The following ENPP1 variants were observed in gnomAD, a reference collection of about 807,000 sequenced individuals.
The protein encoded by ENPP1 is ectonucleotide pyrophosphatase/phosphodiesterase family member 1.
ENPP1 carries 73 observed loss-of-function variants against 122.8 expected under a neutral mutation model. That is an observed-to-expected ratio of 0.59 (90% CI 0.49 to 0.72). ENPP1 has a LOEUF of 0.72. Ranked by LOEUF, ENPP1 falls within the 30% of genes least tolerant of loss-of-function variation. The pLI is 0.00. For missense variants in ENPP1, 978 were observed against 1,128.1 expected (o/e 0.87, Z 1.91); for synonymous variants, 367 against 391.6 (o/e 0.94, Z 0.74).
chr6:131,822,584 A>ATTT (rs1562510287), intron 1 of ENPP1, among the ~76,000 whole-genome samples: 1 of 150,394 alleles, frequency 6.6e-6, no homozygotes, highest in Non-Finnish European at 1.5e-5. Context: ...ATCACTTTTA[A>ATTT]AAAAAAAAAA....
rs564304453 is a variant in ENPP1, at chr6:131,893,949, C to CTTTTTTTTTTTTTTTTTTTT, written c.*3449_*3468dup. The CTTTTTTTTTTTTTTTTTTTT allele has an allele frequency of 1.7e-4, 10 of 59,502 alleles. No individual in the cohort carries two copies. The highest frequency in any genetic ancestry group is 2.4e-4 in the Admixed American group (1 of 4,088). 3.7% of individuals were successfully genotyped at this position (59,502 alleles called of 1,614,324 possible). On this transcript the variant is annotated 3_prime_UTR_variant, in exon 25 of 25. Coordinates refer to ENST00000647893, the MANE Select transcript of ENPP1 (RefSeq NM_006208.3). The stretch of plus-strand genomic sequence containing the variant: ...GTGAAACCTTTATTTATCTTGATTT[C>CTTTTTTTTTTTTTTTTTTTT]TTTTTTTTTTTTTTTTTTTTTTTTT...
At chr6:131,875,009 G>A (rs1472316836) in intron 16 of ENPP1, among the ~76,000 whole-genome samples, 2 of 152,060 alleles carry the variant, frequency 1.3e-5, no homozygotes, top group Non-Finnish European at 2.9e-5. Flanking sequence ...CTAAACAGTA[G>A]GCAAACACGG....
chr6:131,820,574 A>T (rs1171737733), intron 1 of ENPP1: 1 of 152,248 alleles, frequency 6.6e-6, no homozygotes, highest in Non-Finnish European at 1.5e-5. Context: ...ACTCTCAAGA[A>T]CTAGGGAGAG....
At chr6:131,845,519 C>T (rs1311353445) in intron 1 of ENPP1, among the ~76,000 whole-genome samples, 7 of 142,668 alleles carry the variant, frequency 4.9e-5, no homozygotes, top group East Asian at 4.1e-4. Context: ...TGCAGTGGTG[C>T]GATCTGTGCT....
At chr6:131,870,551 G>A (rs540400883) in intron 13 of ENPP1, among the ~76,000 whole-genome samples, 1 of 152,244 alleles carries the variant, frequency 6.6e-6, no homozygotes, top group South Asian at 2.1e-4. Context: ...AAGCTTTTCT[G>A]ACAATTACCG....
In ENPP1 at chr6:131,878,622, A is replaced by C. The variant is rs144835577; in HGVS notation, c.1945+29A>C. 140 of 1,560,478 alleles carry C rather than the reference A, an allele frequency of 9.0e-5. No individual in the cohort carries two copies. In the African/African-American group the frequency reaches 1.6e-3, roughly 18 times the overall value. ...AGGCATGCTACACACTCAAGCTCGG[A>C]ATGTGAAGCAGGCATTTTCTCATCA... On this transcript the variant is annotated intron_variant, in intron 19 of 24. Transcript: ENST00000647893.
Position 131,849,764 on chromosome 6 carries a change from A to G in ENPP1, c.314-226A>G, listed in dbSNP as rs535659909. 3.9e-5 allele frequency among the ~76,000 whole-genome samples: 6 copies of G among 152,324 alleles called. No individual in the cohort carries two copies. In the South Asian group the frequency reaches 1.2e-3, roughly 32 times the overall value. ...CATTAAAAAGTTATCTTTCTTTCCT[A>G]CATCAGGAGATAAAAATCACAAACC... is the stretch of plus-strand genomic sequence containing the variant. On this transcript the variant is annotated intron_variant, in intron 2 of 24. Transcript: ENST00000647893.
chr6:131,886,550 C>A lies in ENPP1; in HGVS notation c.2445-12C>A, dbSNP rs1782379625. 6.3e-7 allele frequency: 1 copy of A among 1,594,842 alleles called. No individual in the cohort carries two copies. Among genetic ancestry groups the A allele is most frequent in the Non-Finnish European group, 8.6e-7 (1 of 1,162,852 alleles). ...ATTTCTTTCTTAAAATGAATATTGG[C>A]ATGTTTTACAGAAAAAGAAGAGTCA... On this transcript the variant is annotated splice_polypyrimidine_tract_variant and intron_variant, in intron 23 of 24. Transcript: ENST00000647893.
chr6:131,878,115 C>T (rs1782258900), intron 18 of ENPP1, among the ~76,000 whole-genome samples: 1 of 151,656 alleles, frequency 6.6e-6, no homozygotes, highest in Non-Finnish European at 1.5e-5. Context: ...TAACTTCTGT[C>T]CAGGCATGGT....
chr6:131,817,201 G>A (rs111990651), intron 1 of ENPP1, among the ~76,000 whole-genome samples: 33 of 149,370 alleles, frequency 2.2e-4, no homozygotes, highest in African/African-American at 8.5e-4. Context: ...TTTTTATCAC[G>A]GACTAATAGC....
chr6:131,847,876 TGTG>T, intron 2 of ENPP1, 28 bp downstream of exon 2: 1 of 1,454,704 alleles, frequency 6.9e-7, no homozygotes. Context: ...TGTGTGTGTG[TGTG>T]TGTGTGTGTG....
rs3036847 is a variant in ENPP1, at chr6:131,882,601, TTATA to T, written c.2230+135_2230+138del. ...TATATATATATAAATATTACCTATT[TTATA>T]TATATATTATATATATAATATATAT... is the stretch of plus-strand genomic sequence containing the variant. On this transcript the variant is annotated intron_variant, in intron 21 of 24. Transcript: ENST00000647893. The T allele has an allele frequency of 0.35, 70,602 of 200,794 alleles. 15,777 individuals are homozygous for T. The highest frequency in any genetic ancestry group is 0.61 in the African/African-American group (24,517 of 39,888). 12.4% of individuals were successfully genotyped at this position (200,794 alleles called of 1,614,324 possible).
At chr6:131,872,812 T>A in intron 14 of ENPP1, 111 bp from the exon 15 acceptor site, 1 of 1,100,002 alleles carries the variant, frequency 9.1e-7, no homozygotes, top group African/African-American at 1.6e-5. Flanking sequence ...TGACACTTTT[T>A]ATAGATATTA....
At chr6:131,881,740 A>C (rs9402351) in intron 20 of ENPP1, among the ~76,000 whole-genome samples, 1 of 151,802 alleles carries the variant, frequency 6.6e-6, no homozygotes, top group African/African-American at 2.4e-5. Context: ...AAAATTAGCC[A>C]GGCGTGGTGG....
chr6:131,826,283 A>T, intron 1 of ENPP1: 1 of 1,327,060 alleles, frequency 7.5e-7, no homozygotes. Context: ...CAGTACTGCA[A>T]ATTACTCAGA....
intron 18 of ENPP1, chr6:131,877,434 G>T: frequency 1.3e-5 from 6 of 475,030 alleles, no homozygotes; most frequent in Non-Finnish European, 2.3e-5. Context: ...CTTGGGTACG[G>T]GTGTGGAGAA....
At chr6:131,836,776 C>T (rs1035085173) in intron 1 of ENPP1, among the ~76,000 whole-genome samples, 1 of 152,132 alleles carries the variant, frequency 6.6e-6, no homozygotes, top group Non-Finnish European at 1.5e-5. Flanking sequence ...TTTGTGGACT[C>T]CTGTCTTAAC....
chr6:131,824,329 C>A (rs1323129446), intron 1 of ENPP1, among the ~76,000 whole-genome samples: 1 of 152,102 alleles, frequency 6.6e-6, no homozygotes, highest in African/African-American at 2.4e-5. Flanking sequence ...GGAGAGGAGA[C>A]AACACGGCCC....
At chr6:131,857,767 A>T (rs1054275531) in intron 6 of ENPP1, among the ~76,000 whole-genome samples, 4 of 152,164 alleles carry the variant, frequency 2.6e-5, no homozygotes, top group Admixed American at 2.6e-4. Flanking sequence ...AACCTGCACA[A>T]TGTGCACATG....
Sources: gnomAD v4.1 joint callset for allele counts (sites outside exome capture counted in the v4.1 genomes callset) on GRCh38, gnomAD v4.1.1 for gene constraint, MANE v1.5 for transcripts, NCBI Gene and HGNC (gene_info 2026-07-23, HGNC 2026-07-21) for gene names.